The following PCLO variants were observed in gnomAD, a reference collection of about 807,000 sequenced individuals.
The protein encoded by PCLO is piccolo presynaptic cytomatrix protein, also known as protein piccolo.
A neutral mutation model predicts 427.5 loss-of-function variants in PCLO; 82 were observed. The ratio of observed to expected loss-of-function variants is 0.19; its 90% CI spans 0.16 to 0.23. The LOEUF (loss-of-function observed/expected upper bound fraction) is 0.23. Among genes scored for constraint, PCLO ranks in the 10% least tolerant of loss-of-function variants. The probability of loss-of-function intolerance (pLI) is 1.00; values close to 1 mark genes in which losing one functional copy is unlikely to be tolerated. For synonymous variants in PCLO, 2,357 were observed against 2,155.4 expected, an observed-to-expected ratio of 1.09 and a Z score of -2.59; for missense variants, 6,239 against 6,115.9, an observed-to-expected ratio of 1.02 and a Z score of -0.67.
intron 3 of PCLO, among the ~76,000 whole-genome samples, chr7:83,099,502 C>T (rs1451264694): frequency 6.6e-6 from 1 of 151,444 alleles, no homozygotes; most frequent in Non-Finnish European, 1.5e-5. Context: ...GATTCTTCTG[C>T]CTCAGCCTCC....
At chr7:82,800,574 A>G (rs1791325323) in intron 22 of PCLO, among the ~76,000 whole-genome samples, 1 of 152,070 alleles carries the variant, frequency 6.6e-6, no homozygotes, top group Non-Finnish European at 1.5e-5. Context: ...TGACACATGA[A>G]GGACTATAGG....
intron 16 of PCLO, among the ~76,000 whole-genome samples, chr7:82,832,869 GTTAT>G (rs1477915614): frequency 2.0e-5 from 3 of 147,418 alleles, no homozygotes; most frequent in African/African-American, 7.6e-5. Context: ...CTCCTCTGAG[GTTAT>G]TTCTCTTAAT....
intron 9 of PCLO, among the ~76,000 whole-genome samples, chr7:82,889,603 T>C (rs1793709998): frequency 6.6e-6 from 1 of 152,180 alleles, no homozygotes; most frequent in Non-Finnish European, 1.5e-5. Context: ...CCTTTTCCTT[T>C]TACTCACTAA....
chr7:82,981,722 T>C (rs759055144), intron 3 of PCLO, among the ~76,000 whole-genome samples: 1 of 152,106 alleles, frequency 6.6e-6, no homozygotes, highest in Non-Finnish European at 1.5e-5. Context: ...AAAGGAGTTA[T>C]GATGGATATT....
At chr7:83,087,388 A>G (rs1790264579) in intron 3 of PCLO, among the ~76,000 whole-genome samples, 1 of 152,048 alleles carries the variant, frequency 6.6e-6, no homozygotes, top group Non-Finnish European at 1.5e-5. Flanking sequence ...CTAAAATCTC[A>G]GACTTCACCA....
At chr7:83,095,144 G>A (rs1790500133) in intron 3 of PCLO, among the ~76,000 whole-genome samples, 1 of 152,068 alleles carries the variant, frequency 6.6e-6, no homozygotes, top group Non-Finnish European at 1.5e-5. Flanking sequence ...TGTAATAGTT[G>A]CAGAACTATT....
intron 8 of PCLO, among the ~76,000 whole-genome samples, chr7:82,906,923 A>G (rs1384013860): frequency 6.6e-6 from 1 of 152,010 alleles, no homozygotes; most frequent in Admixed American, 6.6e-5. Context: ...ATAGCAAGAA[A>G]TTTATTAAAT....
intron 3 of PCLO, among the ~76,000 whole-genome samples, chr7:82,968,517 C>CTTTTTTTTTTTTTTT (rs11324005): frequency 2.7e-5 from 2 of 73,228 alleles, no homozygotes; most frequent in Admixed American, 1.6e-4. Flanking sequence ...CAGAGTCTGA[C>CTTTTTTTTTTTTTTT]TTTTTTTTTT....
rs530402601 is a variant in PCLO at position 82,961,211 on chromosome 7, C to T, written c.4018-4276G>A. 3.9e-5 allele frequency among the ~76,000 whole-genome samples: 6 copies of T among 152,120 alleles called. No homozygotes were observed. The South Asian group carries it at 1.0e-3, about 26-fold the overall frequency. ...ATTCTGCATCAGGAAAACTGACTAC[C>T]ACTAGGGAACAGAAGGGCAGACTCA... On this transcript the variant is annotated intron_variant, in intron 4 of 24. Transcript: ENST00000333891.
At chr7:82,899,446 G>C (rs1282274371) in intron 9 of PCLO, among the ~76,000 whole-genome samples, 1 of 151,338 alleles carries the variant, frequency 6.6e-6, no homozygotes, top group Non-Finnish European at 1.5e-5. Context: ...AAAAGTAGAA[G>C]TAGAATATAA....
intron 9 of PCLO, among the ~76,000 whole-genome samples, chr7:82,895,916 T>C (rs1354654567): frequency 6.6e-6 from 1 of 151,888 alleles, no homozygotes; most frequent in Non-Finnish European, 1.5e-5. Context: ...TCACAAACTC[T>C]ATAGAAAAAT....
rs545494558 is a variant in PCLO at position 83,088,295 on chromosome 7, C to A, written c.3300+45955G>T. 3.9e-5 allele frequency among the ~76,000 whole-genome samples: 6 copies of A among 152,270 alleles called. No individual in the cohort carries two copies. The East Asian group carries it at 1.2e-3, about 29-fold the overall frequency. The stretch of plus-strand genomic sequence containing the variant: ...GAAGAGGGTGAAGAAAGAGACTACA[C>A]TAGACAAGAGATGTGAAGGCTTTGC... On this transcript the variant is annotated intron_variant, in intron 3 of 24. Coordinates refer to ENST00000333891, the MANE Select transcript of PCLO (RefSeq NM_033026.6).
At chr7:82,977,323 C>CT (rs998292929) in intron 3 of PCLO, among the ~76,000 whole-genome samples, 19 of 149,224 alleles carry the variant, frequency 1.3e-4, no homozygotes, top group South Asian at 4.2e-4. Context: ...TAGTTCTGTG[C>CT]TTTTTTTTTC....
intron 2 of PCLO, among the ~76,000 whole-genome samples, chr7:83,137,406 G>T (rs1791756101): frequency 6.6e-6 from 1 of 152,110 alleles, no homozygotes; most frequent in Non-Finnish European, 1.5e-5. Context: ...AACATGGGTG[G>T]TTGGTACATG....
chr7:82,908,291 AC>A (rs1175549267), intron 8 of PCLO, among the ~76,000 whole-genome samples: 1 of 152,092 alleles, frequency 6.6e-6, no homozygotes, highest in African/African-American at 2.4e-5. Context: ...TCTGAAATTT[AC>A]CTCTAAGTTT....
At chr7:82,779,410 G>A (rs1196160684) in intron 22 of PCLO, among the ~76,000 whole-genome samples, 1 of 152,088 alleles carries the variant, frequency 6.6e-6, no homozygotes, top group African/African-American at 2.4e-5. Flanking sequence ...TAAACAACAT[G>A]TAGTTAGATA....
intron 13 of PCLO, 49 bp from the exon 14 acceptor site, chr7:82,841,558 T>C (rs373615944): frequency 1.8e-6 from 2 of 1,129,910 alleles, no homozygotes; most frequent in African/African-American, 3.1e-5. Flanking sequence ...ATTTTTCACA[T>C]AATTTATCAT....
At chr7:83,082,889 A>G (rs1465692927) in intron 3 of PCLO, among the ~76,000 whole-genome samples, 1 of 151,816 alleles carries the variant, frequency 6.6e-6, no homozygotes, top group Non-Finnish European at 1.5e-5. Context: ...TAAAGTATAT[A>G]AAACTACAAT....
intron 21 of PCLO, among the ~76,000 whole-genome samples, chr7:82,805,340 T>C (rs1240200947): frequency 1.3e-5 from 2 of 152,204 alleles, no homozygotes; most frequent in Non-Finnish European, 2.9e-5. Context: ...AATATATGTT[T>C]GTCTCAAATA....
Sources: allele counts gnomAD v4.1 joint callset (sites outside exome capture counted in the v4.1 genomes callset), GRCh38; gene constraint gnomAD v4.1.1; transcripts MANE v1.5; gene names NCBI Gene and HGNC (gene_info 2026-07-23, HGNC 2026-07-21).